DIS3L: variants seen among roughly 807,000 people sequenced by gnomAD.
DIS3L encodes DIS3 like exosome 3'-5' exoribonuclease.
DIS3L carries 100 observed loss-of-function variants against 120.3 expected under a neutral mutation model. The ratio of observed to expected loss-of-function variants is 0.83; its 90% CI spans 0.71 to 0.98. The LOEUF is 0.98. Among genes scored for constraint, DIS3L ranks in the 50% least tolerant of loss-of-function variants. DIS3L has a pLI of 0.00. For synonymous variants in DIS3L, 426 were observed against 470.6 expected (o/e 0.91, Z 1.23); for missense variants, 1,196 against 1,314.2 (o/e 0.91, Z 1.39).
At chr15:66,305,387 G>A (rs1472768395) in intron 2 of DIS3L, among the ~76,000 whole-genome samples, 1 of 152,076 alleles carries the variant, frequency 6.6e-6, no homozygotes. Flanking sequence ...GATTCGTTGG[G>A]GAGTTCGGCC....
chr15:66,322,918 A>G lies in DIS3L; in HGVS notation c.1558A>G (p.Ile520Val). 1.2e-6 allele frequency: 2 copies of G among 1,614,170 alleles called. No individual in the cohort carries two copies. The highest frequency in any genetic ancestry group is 1.7e-6 in the Non-Finnish European group (2 of 1,180,030). ...HFVAPNSYID[I>V]EARTRATTYY... is the part of the protein sequence containing the mutation. Reference sequence around the variant, plus strand: ...TGTGGCACCAAATTCTTACATTGATATTGAAGCTAGAACAAGGTAATGCTA... The same window carrying G: ...TGTGGCACCAAATTCTTACATTGATGTTGAAGCTAGAACAAGGTAATGCTA... The change falls in exon 10 of 17, where the codon ATT becomes GTT. Residue 520 changes from isoleucine to valine, a missense_variant. Physicochemically the swap from Ile to Val is conservative, Grantham distance 29. Coordinates refer to ENST00000319212, the MANE Select transcript of DIS3L (RefSeq NM_001143688.3).
In DIS3L at chr15:66,313,799, A is replaced by ATG. The variant is rs1010520418; in HGVS notation, c.736-228_736-227dup. Among the ~76,000 whole-genome samples the ATG allele has an allele frequency of 6.9e-3, 992 of 143,256 alleles. 11 individuals carry two copies. The highest frequency in any genetic ancestry group is 0.023 in the African/African-American group (931 of 40,460). The allele number at this position is 143,256 out of a possible 152,430, so 94.0% of individuals were successfully genotyped here. On this transcript the variant is annotated intron_variant, in intron 5 of 16. Transcript: ENST00000319212. ...TATATATGTGTGTGTGTATATATAT[A>ATG]TGTGTGTGTGTGTACATCTCGAAAA... is the stretch of plus-strand genomic sequence containing the variant.
At chr15:66,293,451 T>C (rs1566929047), upstream of DIS3L, 3 of 1,209,440 alleles carry the variant, frequency 2.5e-6, no homozygotes, top group Non-Finnish European at 2.1e-6. Context: ...GGCCCCAGCC[T>C]GGAGCGTGTA....
intron 12 of DIS3L, among the ~76,000 whole-genome samples, chr15:66,327,997 AGCCAAGATTGT>A (rs2092956832): frequency 6.6e-6 from 1 of 152,212 alleles, no homozygotes; most frequent in Admixed American, 6.5e-5. Flanking sequence ...AGTTGCAGTG[AGCCAAGATTGT>A]GCCACTACAC....
At chr15:66,300,057 TAAATA>T (rs780508797) in intron 2 of DIS3L, among the ~76,000 whole-genome samples, 1 of 151,924 alleles carries the variant, frequency 6.6e-6, no homozygotes, top group Non-Finnish European at 1.5e-5. Context: ...TCTCCAAAAA[TAAATA>T]AATAAATAAA....
intron 11 of DIS3L, among the ~76,000 whole-genome samples, chr15:66,325,396 GA>G (rs1229862553): frequency 6.6e-6 from 1 of 151,838 alleles, no homozygotes; most frequent in Admixed American, 6.6e-5. Context: ...TCCATCTCAA[GA>G]AAAAAATGGA....
intron 8 of DIS3L, 34 bp from the exon 9 acceptor site, chr15:66,320,537 G>A (rs756350168): frequency 1.3e-6 from 2 of 1,590,872 alleles, no homozygotes; most frequent in South Asian, 2.3e-5. Flanking sequence ...AACTCCTGGT[G>A]CTCAGCTGTG....
At chr15:66,300,148 C>T (rs1482144827) in intron 2 of DIS3L, among the ~76,000 whole-genome samples, 3 of 152,094 alleles carry the variant, frequency 2.0e-5, no homozygotes, top group African/African-American at 4.8e-5. Context: ...CCCAAATGTC[C>T]GTTAATTGAT....
At chr15:66,317,484 G>A (rs1473887871) in intron 7 of DIS3L, among the ~76,000 whole-genome samples, 1 of 152,046 alleles carries the variant, frequency 6.6e-6, no homozygotes, top group Non-Finnish European at 1.5e-5. Context: ...ACCAAATAAG[G>A]TTAGCTGGTG....
chr15:66,329,141 TC>T lies in DIS3L; in HGVS notation c.2356+19del. Reference sequence around the variant, plus strand: ...ATCATTACGGTGAATCATACCATATTCCTATGTGTGGCTGTAACTTTGCGCT... The same window carrying T: ...ATCATTACGGTGAATCATACCATATTCTATGTGTGGCTGTAACTTTGCGCT... On this transcript the variant is annotated intron_variant, in intron 13 of 16. Transcript: ENST00000319212. 15 of 1,601,652 alleles carry T rather than the reference TC, an allele frequency of 9.4e-6. No homozygotes were observed. Among genetic ancestry groups the T allele is most frequent in the Non-Finnish European group, 1.2e-5 (14 of 1,174,528 alleles).
chr15:66,315,913 C>G (rs542923483), intron 7 of DIS3L, among the ~76,000 whole-genome samples: 1 of 152,114 alleles, frequency 6.6e-6, no homozygotes, highest in East Asian at 1.9e-4. Flanking sequence ...GGCAGGGGCC[C>G]TCTGCCTTCC....
chr15:66,327,312 A>C (rs1297983943), intron 12 of DIS3L, among the ~76,000 whole-genome samples: 1 of 152,238 alleles, frequency 6.6e-6, no homozygotes, highest in African/African-American at 2.4e-5. Flanking sequence ...GTTACAAAGA[A>C]ATAATCCTAT....
At chr15:66,315,721 T>C (rs2140368213) in intron 7 of DIS3L, among the ~76,000 whole-genome samples, 1 of 152,308 alleles carries the variant, frequency 6.6e-6, no homozygotes, top group East Asian at 1.9e-4. Context: ...CTGCCCCTTA[T>C]CATTAAAGTC....
rs1178769913 is a variant in DIS3L at position 66,333,654 on chromosome 15, AG to A, written c.*344del. On this transcript the variant is annotated 3_prime_UTR_variant, in exon 17 of 17. Transcript: ENST00000319212. ...TGAAGCAGGAGAATTGCCTGAACCC[AG>A]GAAGAGGAGGTTGCAGTGAGCCGAG... 6.3e-6 allele frequency: 1 copy of A among 159,832 alleles called. No homozygotes were observed. Among genetic ancestry groups the A allele is most frequent in the African/African-American group, 2.5e-5 (1 of 40,510 alleles). 9.9% of individuals were successfully genotyped at this position (159,832 alleles called of 1,614,324 possible). A position where few individuals can be genotyped will look rare whatever the true frequency, so the allele number is the denominator to read the frequency against.
At chr15:66,302,908 C>T (rs1422167537) in intron 2 of DIS3L, among the ~76,000 whole-genome samples, 2 of 152,186 alleles carry the variant, frequency 1.3e-5, no homozygotes, top group Non-Finnish European at 2.9e-5. Context: ...TGTTGTCAGC[C>T]ATCACCAACA....
At chr15:66,294,322 T>G (rs1056270431) in intron 1 of DIS3L, 7 of 985,348 alleles carry the variant, frequency 7.1e-6, no homozygotes, top group Non-Finnish European at 7.2e-6. Context: ...AGTCCTTGGT[T>G]TCTAGGCCAC....
At chr15:66,326,649 G>A (rs1055784598) in intron 12 of DIS3L, 7 of 278,498 alleles carry the variant, frequency 2.5e-5, no homozygotes, top group Non-Finnish European at 4.1e-5. Context: ...GTATGATCTC[G>A]GCTCACTGCA....
chr15:66,326,077 T>C lies in DIS3L; in HGVS notation c.1914T>C (p.His638=), dbSNP rs1239734244. Residue 638 remains histidine, a synonymous_variant, in exon 12 of 17, where the codon CAT becomes CAC. Coordinates refer to ENST00000319212, the MANE Select transcript of DIS3L (RefSeq NM_001143688.3). ...AIGKLTDIAR[H]VRAKRDGCGA... is the part of the protein sequence containing the mutation. ...GAAAGCTGACCGACATAGCTCGCCA[T>C]GTCAGAGCTAAACGAGACGGATGTG... The C allele has an allele frequency of 6.2e-7, 1 of 1,614,162 alleles. No homozygotes were observed. Among genetic ancestry groups the C allele is most frequent in the Non-Finnish European group, 8.5e-7 (1 of 1,180,024 alleles).
At chr15:66,301,528 G>A (rs1389746792) in intron 2 of DIS3L, among the ~76,000 whole-genome samples, 1 of 151,964 alleles carries the variant, frequency 6.6e-6, no homozygotes, top group Non-Finnish European at 1.5e-5. Flanking sequence ...TGATCCTCCC[G>A]CCTCGGTCTC....
Sources: allele counts gnomAD v4.1 joint callset (sites outside exome capture counted in the v4.1 genomes callset), GRCh38; gene constraint gnomAD v4.1.1; transcripts MANE v1.5; gene names NCBI Gene and HGNC (gene_info 2026-07-23, HGNC 2026-07-21).